The following PDE1C variants were observed in gnomAD, a reference collection of about 807,000 sequenced individuals.
PDE1C encodes the protein dual specificity calcium/calmodulin-dependent 3',5'-cyclic nucleotide phosphodiesterase 1C.
Under a neutral mutation model 93.1 loss-of-function variants are expected in PDE1C, and 62 were observed. That is an observed-to-expected ratio of 0.67 (90% CI 0.54 to 0.82). The LOEUF (loss-of-function observed/expected upper bound fraction) is 0.82. Ranked by LOEUF, PDE1C falls within the 40% of genes least tolerant of loss-of-function variation. The pLI, the probability that PDE1C is intolerant of heterozygous loss-of-function variation, is 0.00. For missense variants in PDE1C, 742 were observed against 884.6 expected (o/e 0.84, Z 2.04); for synonymous variants, 325 against 310.1 (o/e 1.05, Z -0.50).
the PDE1C span, chr7:31,692,372 C>A: frequency 8.1e-7 from 1 of 1,231,312 alleles, no homozygotes; most frequent in Non-Finnish European, 1.2e-6. Context: ...ATAAACAGAG[C>A]CATACTTATT....
intron 17 of PDE1C, among the ~76,000 whole-genome samples, chr7:31,772,654 T>A (rs990418915): frequency 6.6e-6 from 1 of 152,160 alleles, no homozygotes; most frequent in Non-Finnish European, 1.5e-5. Flanking sequence ...TACTCAACCA[T>A]CTTGACCGGA....
intron 13 of PDE1C, 136 bp downstream of exon 13, chr7:31,824,731 G>C: frequency 9.2e-7 from 1 of 1,087,346 alleles, no homozygotes. Flanking sequence ...GAAAAGGAAA[G>C]AGGCAGACAA....
intron 2 of PDE1C, among the ~76,000 whole-genome samples, chr7:32,193,353 C>A (rs181577446): frequency 6.6e-6 from 1 of 152,222 alleles, no homozygotes; most frequent in East Asian, 1.9e-4. Flanking sequence ...GAGTTTCTAT[C>A]ATGAATGAAT....
chr7:32,317,034 G>A (rs555155877), intron 1 of PDE1C, among the ~76,000 whole-genome samples: 109 of 152,244 alleles, frequency 7.2e-4, no homozygotes, highest in African/African-American at 2.5e-3. Flanking sequence ...CACAGCCAGC[G>A]CTCCACACAC....
chr7:31,625,938 G>T, the PDE1C span, among the ~76,000 whole-genome samples: 2 of 151,948 alleles, frequency 1.3e-5, no homozygotes, highest in Non-Finnish European at 2.9e-5. Context: ...AGTAAGAAGG[G>T]TTTTTATTTA....
the PDE1C span, among the ~76,000 whole-genome samples, chr7:31,646,541 TG>T: frequency 6.6e-6 from 1 of 152,214 alleles, no homozygotes; most frequent in East Asian, 1.9e-4. Context: ...AGATTAAACC[TG>T]GGCCAGCTCC....
intron 1 of PDE1C, among the ~76,000 whole-genome samples, chr7:32,339,228 A>C (rs977900774): frequency 6.6e-6 from 1 of 152,206 alleles, no homozygotes; most frequent in East Asian, 1.9e-4. Context: ...TACAGTATTT[A>C]AAAAATTTTT....
chr7:31,959,246 T>G (rs1200561134), intron 2 of PDE1C, among the ~76,000 whole-genome samples: 1 of 152,206 alleles, frequency 6.6e-6, no homozygotes, highest in African/African-American at 2.4e-5. Flanking sequence ...AGTCTCACTC[T>G]GTTGCCCAGG....
intron 3 of PDE1C, among the ~76,000 whole-genome samples, chr7:32,095,860 A>G (rs1344195354): frequency 1.3e-5 from 2 of 152,146 alleles, no homozygotes; most frequent in East Asian, 3.9e-4. Flanking sequence ...CAGTCGACTT[A>G]CAGAATGATG....
intron 7 of PDE1C, among the ~76,000 whole-genome samples, chr7:31,859,408 T>C (rs985715932): frequency 6.8e-6 from 1 of 147,970 alleles, no homozygotes; most frequent in East Asian, 2.0e-4. Flanking sequence ...TGGCACAATA[T>C]CCTATATAAT....
intron 3 of PDE1C, among the ~76,000 whole-genome samples, chr7:32,155,951 C>G (rs2128794184): frequency 6.6e-6 from 1 of 152,264 alleles, no homozygotes; most frequent in East Asian, 1.9e-4. Context: ...AGCAGCACAA[C>G]TGGGCAGAAA....
chr7:31,986,075 C>T (rs1783363900), intron 2 of PDE1C, among the ~76,000 whole-genome samples: 1 of 152,154 alleles, frequency 6.6e-6, no homozygotes, highest in Non-Finnish European at 1.5e-5. Context: ...ACTGCCATAA[C>T]AAATTAACAC....
intron 2 of PDE1C, among the ~76,000 whole-genome samples, chr7:31,978,237 T>C (rs1024893632): frequency 6.6e-6 from 1 of 152,172 alleles, no homozygotes; most frequent in African/African-American, 2.4e-5. Context: ...TCAGATCTCC[T>C]ACAGATAAAA....
intron 16 of PDE1C, chr7:31,783,596 T>G (rs1051973289): frequency 1.3e-5 from 2 of 151,816 alleles, no homozygotes; most frequent in Non-Finnish European, 2.9e-5. Flanking sequence ...TACTAGATGC[T>G]GGGGGAAAAT....
intron 3 of PDE1C, among the ~76,000 whole-genome samples, chr7:32,086,976 A>G (rs1471931193): frequency 2.0e-5 from 3 of 151,902 alleles, no homozygotes; most frequent in Admixed American, 1.3e-4. Flanking sequence ...ACCAAAAGCA[A>G]TGGCAACAAA....
intron 3 of PDE1C, among the ~76,000 whole-genome samples, chr7:32,118,769 C>T (rs1799129661): frequency 1.3e-5 from 2 of 152,180 alleles, no homozygotes; most frequent in South Asian, 4.1e-4. Flanking sequence ...ACTTAATCAC[C>T]TCTCAAAGGT....
At chr7:32,012,275 G>T (rs1787241847) in intron 2 of PDE1C, among the ~76,000 whole-genome samples, 1 of 152,092 alleles carries the variant, frequency 6.6e-6, no homozygotes, top group South Asian at 2.1e-4. Context: ...GAAGGAAGAA[G>T]TCATTGTATC....
chr7:31,702,503 T>C, the PDE1C span, among the ~76,000 whole-genome samples: 9 of 152,324 alleles, frequency 5.9e-5, no homozygotes, highest in African/African-American at 2.2e-4. Flanking sequence ...CTTTCAGTAG[T>C]CAGCCAGCTC....
At chr7:31,663,747 A>G in the PDE1C span, among the ~76,000 whole-genome samples, 1 of 152,206 alleles carries the variant, frequency 6.6e-6, no homozygotes, top group Non-Finnish European at 1.5e-5. Flanking sequence ...CTCTTATTAT[A>G]GTGAAAACTG....
Sources: gnomAD v4.1 joint callset for allele counts (sites outside exome capture counted in the v4.1 genomes callset) on GRCh38, gnomAD v4.1.1 for gene constraint, MANE v1.5 for transcripts, NCBI Gene and HGNC (gene_info 2026-07-23, HGNC 2026-07-21) for gene names.